LRRTM4: variants seen among roughly 807,000 people sequenced by gnomAD.
LRRTM4 encodes leucine-rich repeat transmembrane neuronal protein 4.
A neutral mutation model predicts 47.6 loss-of-function variants in LRRTM4; 25 were observed. That is an observed-to-expected ratio of 0.53 (90% CI 0.38 to 0.73). The LOEUF (loss-of-function observed/expected upper bound fraction) is 0.73. LRRTM4 is among the 30% of genes least tolerant of loss of function. The pLI is 0.00. For missense variants in LRRTM4, 638 were observed against 713.4 expected (o/e 0.89, Z 1.20); for synonymous variants, 311 against 269.5 (o/e 1.15, Z -1.51).
intron 3 of LRRTM4, among the ~76,000 whole-genome samples, chr2:76,938,772 T>C (rs1332313663): frequency 6.6e-6 from 1 of 152,132 alleles, no homozygotes; most frequent in East Asian, 1.9e-4. Flanking sequence ...TTATCCTTTA[T>C]AATATATCAC....
chr2:76,835,213 A>G (rs1424246982), intron 3 of LRRTM4, among the ~76,000 whole-genome samples: 1 of 152,140 alleles, frequency 6.6e-6, no homozygotes, highest in African/African-American at 2.4e-5. Flanking sequence ...TAAATTGTAC[A>G]GGTTAAGTAT....
At chr2:76,794,042 G>C (rs1558657036) in intron 3 of LRRTM4, among the ~76,000 whole-genome samples, 1 of 152,128 alleles carries the variant, frequency 6.6e-6, no homozygotes, top group Non-Finnish European at 1.5e-5. Context: ...ACTGGGCTAG[G>C]GAAGTCCAAC....
At chr2:76,989,145 T>A (rs1676913987) in intron 3 of LRRTM4, among the ~76,000 whole-genome samples, 1 of 151,882 alleles carries the variant, frequency 6.6e-6, no homozygotes, top group African/African-American at 2.4e-5. Context: ...GATTTATCCA[T>A]TATTTCTCAA....
At chr2:76,955,805 A>C (rs1490064516) in intron 3 of LRRTM4, among the ~76,000 whole-genome samples, 1 of 151,732 alleles carries the variant, frequency 6.6e-6, no homozygotes, top group Non-Finnish European at 1.5e-5. Flanking sequence ...ACCAGACACT[A>C]AATTTACCAG....
chr2:76,789,177 C>G (rs1482809162), intron 3 of LRRTM4, among the ~76,000 whole-genome samples: 3 of 152,192 alleles, frequency 2.0e-5, no homozygotes, highest in Non-Finnish European at 4.4e-5. Context: ...GGGGTTGCCA[C>G]CACCTGGAAA....
intron 3 of LRRTM4, among the ~76,000 whole-genome samples, chr2:77,429,638 A>G (rs1037765622): frequency 2.0e-5 from 3 of 152,336 alleles, no homozygotes; most frequent in Admixed American, 2.0e-4. Flanking sequence ...CTTTATGTGT[A>G]TGTGGAATCA....
intron 3 of LRRTM4, among the ~76,000 whole-genome samples, chr2:76,962,472 ATGATTATTTACTATT>A (rs1012570670): frequency 6.6e-6 from 1 of 151,022 alleles, no homozygotes; most frequent in African/African-American, 2.4e-5. Context: ...AGAGAGGTAT[ATGATTATTTACTATT>A]ATGCTAATAA....
At chr2:77,168,262 A>G (rs1311505137) in intron 3 of LRRTM4, among the ~76,000 whole-genome samples, 1 of 151,808 alleles carries the variant, frequency 6.6e-6, no homozygotes, top group African/African-American at 2.4e-5. Flanking sequence ...TCCATTCTCT[A>G]TGTATCTTTA....
intron 3 of LRRTM4, among the ~76,000 whole-genome samples, chr2:76,775,983 C>T (rs566389757): frequency 9.9e-5 from 15 of 151,702 alleles, no homozygotes; most frequent in East Asian, 3.9e-4. Flanking sequence ...GTTCACTTCC[C>T]GCCTATGAGT....
At chr2:77,281,669 G>A (rs77817393) in intron 3 of LRRTM4, among the ~76,000 whole-genome samples, 90 of 151,852 alleles carry the variant, frequency 5.9e-4, no homozygotes, top group Non-Finnish European at 1.1e-3. Context: ...AATGGGCATG[G>A]CAGAATGATA....
chr2:77,303,412 A>T (rs1677191466), intron 3 of LRRTM4, among the ~76,000 whole-genome samples: 2 of 152,240 alleles, frequency 1.3e-5, no homozygotes, highest in South Asian at 4.1e-4. Flanking sequence ...TTATATTTCC[A>T]ACAAAATAAA....
At position 77,156,108 on chromosome 2, in the gene LRRTM4, A is replaced by G. The variant is rs1007428832; in HGVS notation, c.1551+362210T>C. ...TCACTAGTAAATAAAGTACTCTGAAAGGTATATTTATGTGAAAACAGGGAA... is the reference window on the plus strand; with the variant it reads ...TCACTAGTAAATAAAGTACTCTGAAGGGTATATTTATGTGAAAACAGGGAA... On this transcript the variant is annotated intron_variant, in intron 3 of 3. Transcript: ENST00000409884. Among the ~76,000 whole-genome samples, 15 of 152,228 alleles carry G rather than the reference A, an allele frequency of 9.9e-5. No individual in the cohort carries two copies. In the East Asian group the frequency reaches 2.9e-3, roughly 29 times the overall value.
intron 3 of LRRTM4, among the ~76,000 whole-genome samples, chr2:76,837,581 A>C (rs1045238846): frequency 6.6e-6 from 1 of 152,142 alleles, no homozygotes; most frequent in Non-Finnish European, 1.5e-5. Context: ...CCATCCCATT[A>C]CTGGGTATAT....
At chr2:76,995,856 A>G (rs1272272855) in intron 3 of LRRTM4, among the ~76,000 whole-genome samples, 1 of 152,140 alleles carries the variant, frequency 6.6e-6, no homozygotes, top group Non-Finnish European at 1.5e-5. Context: ...CCATGCATAC[A>G]CAAACACCTA....
At chr2:76,854,781 C>A (rs1473949842) in intron 3 of LRRTM4, among the ~76,000 whole-genome samples, 2 of 150,062 alleles carry the variant, frequency 1.3e-5, no homozygotes, top group Admixed American at 1.3e-4. Context: ...ATTTGGGATA[C>A]ATCATTGAAT....
intron 3 of LRRTM4, among the ~76,000 whole-genome samples, chr2:77,004,029 G>A (rs1231535398): frequency 1.3e-5 from 2 of 152,190 alleles, no homozygotes; most frequent in Non-Finnish European, 1.5e-5. Flanking sequence ...TTGAACTTGA[G>A]AGAAATAATT....
At chr2:77,503,832 A>C (rs1217067115) in intron 3 of LRRTM4, among the ~76,000 whole-genome samples, 2 of 151,726 alleles carry the variant, frequency 1.3e-5, no homozygotes, top group African/African-American at 2.4e-5. Flanking sequence ...CCGACTGTTA[A>C]CAATTATTGA....
intron 3 of LRRTM4, among the ~76,000 whole-genome samples, chr2:76,995,141 A>G (rs531407739): frequency 6.6e-5 from 10 of 152,194 alleles, no homozygotes; most frequent in South Asian, 6.2e-4. Context: ...GAAAATGCAT[A>G]TAAGAGACAG....
chr2:76,843,350 C>G (rs79185574), intron 3 of LRRTM4, among the ~76,000 whole-genome samples: 10,961 of 151,984 alleles, frequency 0.072, 437 homozygotes, highest in Middle Eastern at 0.15. Flanking sequence ...TCTAAAGATA[C>G]CCTTTTTTAA....
Sources: allele counts gnomAD v4.1 joint callset (sites outside exome capture counted in the v4.1 genomes callset), GRCh38; gene constraint gnomAD v4.1.1; transcripts MANE v1.5; gene names NCBI Gene and HGNC (gene_info 2026-07-23, HGNC 2026-07-21).